The following GAB2 variants were observed in gnomAD, a reference collection of about 807,000 sequenced individuals.
GAB2 encodes the protein GRB2-associated-binding protein 2.
In GAB2, 26 loss-of-function variants were observed where a neutral mutation model predicts 65.5. That is an observed-to-expected ratio of 0.40 (90% confidence interval 0.29 to 0.55). The LOEUF (loss-of-function observed/expected upper bound fraction) is 0.55. Among genes scored for constraint, GAB2 ranks in the 20% least tolerant of loss-of-function variants. The probability of loss-of-function intolerance (pLI) is 0.53; values close to 1 mark genes in which losing one functional copy is unlikely to be tolerated. For missense variants in GAB2, 884 were observed against 875.8 expected, an observed-to-expected ratio of 1.01 and a Z score of -0.12; for synonymous variants, 321 against 329.6, an observed-to-expected ratio of 0.97 and a Z score of 0.28.
intron 2 of GAB2, among the ~76,000 whole-genome samples, chr11:78,262,074 G>A (rs985542913): frequency 2.0e-5 from 3 of 152,142 alleles, no homozygotes; most frequent in Non-Finnish European, 4.4e-5. Flanking sequence ...ATCAAGAATC[G>A]TGATCAGCGG....
chr11:78,227,645 AAAG>A (rs1864718196), intron 3 of GAB2, among the ~76,000 whole-genome samples: 1 of 151,626 alleles, frequency 6.6e-6, no homozygotes, highest in Non-Finnish European at 1.5e-5. Flanking sequence ...AAAAAAAAAA[AAAG>A]AACTAGCTGG....
chr11:78,373,153 T>C (rs1242225715), intron 1 of GAB2, among the ~76,000 whole-genome samples: 1 of 152,136 alleles, frequency 6.6e-6, no homozygotes, highest in Non-Finnish European at 1.5e-5. Flanking sequence ...CAAATAATTG[T>C]ACATGTTTAT....
At chr11:78,363,586 CTTTT>C (rs772252348) in intron 1 of GAB2, among the ~76,000 whole-genome samples, 5 of 135,426 alleles carry the variant, frequency 3.7e-5, no homozygotes, top group Admixed American at 1.5e-4. Flanking sequence ...AATATATTTT[CTTTT>C]TTTTTTTTTT....
At chr11:78,370,136 A>AGT (rs1435761821) in intron 1 of GAB2, among the ~76,000 whole-genome samples, 1 of 150,284 alleles carries the variant, frequency 6.7e-6, no homozygotes, top group Non-Finnish European at 1.5e-5. Context: ...GGGCGCCTGT[A>AGT]GTCCCAGCTA....
At chr11:78,406,184 G>C (rs968970601) in intron 1 of GAB2, among the ~76,000 whole-genome samples, 4 of 152,186 alleles carry the variant, frequency 2.6e-5, no homozygotes, top group Admixed American at 2.6e-4. Context: ...ACCATTCACA[G>C]GAGTAATGAG....
intron 2 of GAB2, among the ~76,000 whole-genome samples, chr11:78,263,788 T>G (rs1355216747): frequency 6.6e-6 from 1 of 152,136 alleles, no homozygotes; most frequent in African/African-American, 2.4e-5. Context: ...ATCATTTAGT[T>G]TAATATTAAT....
chr11:78,262,642 A>G (rs767386088), intron 2 of GAB2, among the ~76,000 whole-genome samples: 1 of 152,142 alleles, frequency 6.6e-6, no homozygotes, highest in Non-Finnish European at 1.5e-5. Flanking sequence ...GGGGGTCCCA[A>G]TAATCTCCTG....
At chr11:78,227,754 C>T (rs887785569) in intron 3 of GAB2, among the ~76,000 whole-genome samples, 3 of 151,886 alleles carry the variant, frequency 2.0e-5, no homozygotes, top group Non-Finnish European at 4.4e-5. Flanking sequence ...GAGCTATGAT[C>T]GCACCACTGC....
At chr11:78,293,522 A>G (rs1379276875) in intron 1 of GAB2, among the ~76,000 whole-genome samples, 3 of 152,240 alleles carry the variant, frequency 2.0e-5, no homozygotes, top group Non-Finnish European at 4.4e-5. Flanking sequence ...CACAGACACC[A>G]TAAACACAAA....
intron 1 of GAB2, among the ~76,000 whole-genome samples, chr11:78,292,606 A>C (rs1295288087): frequency 6.6e-6 from 1 of 152,252 alleles, no homozygotes; most frequent in Non-Finnish European, 1.5e-5. Context: ...ACACGAAGCT[A>C]CTATGCCAGT....
chr11:78,347,289 T>C (rs1355417176), intron 1 of GAB2, among the ~76,000 whole-genome samples: 2 of 152,172 alleles, frequency 1.3e-5, no homozygotes, highest in East Asian at 1.9e-4. Flanking sequence ...GGTTTGGAGA[T>C]ATGAATGTCC....
chr11:78,281,331 C>G lies in GAB2; in HGVS notation c.76-430G>C, dbSNP rs1369707417. 2.0e-5 allele frequency among the ~76,000 whole-genome samples: 3 copies of G among 152,014 alleles called. No individual in the cohort carries two copies. In the South Asian group the frequency reaches 6.2e-4, roughly 32 times the overall value. On this transcript the variant is annotated intron_variant, in intron 1 of 9. Transcript: ENST00000361507. ...CATGATCTTGGCTCACTGCAACCTC[C>G]GCCTCCAGGGTTCAAGCGATTCTCC...
chr11:78,244,468 C>A (rs752411189), intron 3 of GAB2, among the ~76,000 whole-genome samples: 3 of 151,640 alleles, frequency 2.0e-5, no homozygotes, highest in Non-Finnish European at 2.9e-5. Context: ...AAACAATCAA[C>A]AGAGTAAAGA....
chr11:78,300,702 T>TTTG (rs1554985611), intron 1 of GAB2, among the ~76,000 whole-genome samples: 1 of 142,748 alleles, frequency 7.0e-6, no homozygotes, highest in African/African-American at 2.7e-5. Context: ...TTTGTTTTTT[T>TTTG]TTTTTTTTTT....
rs1291386898 is a variant in GAB2, at chr11:78,300,672, G to GT, written c.76-19772dup. ...ATGGGTAATGTTATCTCACTGTGTG[G>GT]TTTTTTTTTTTGGTTTTTTTTTGTT... On this transcript the variant is annotated intron_variant, in intron 1 of 9. Transcript: ENST00000361507. Among the ~76,000 whole-genome samples, 867 of 121,964 alleles carry GT rather than the reference G, an allele frequency of 7.1e-3. 1 individual carries two copies. The highest frequency in any genetic ancestry group is 0.022 in the African/African-American group (615 of 28,346). 80.0% of individuals were successfully genotyped at this position (121,964 alleles called of 152,430 possible). A position where few individuals can be genotyped will look rare whatever the true frequency, so the allele number is the denominator to read the frequency against.
chr11:78,270,529 A>T (rs751434053), intron 2 of GAB2, among the ~76,000 whole-genome samples: 16 of 151,562 alleles, frequency 1.1e-4, no homozygotes, highest in Non-Finnish European at 2.2e-4. Flanking sequence ...GGGCCCTTCC[A>T]CTCTGCTTTC....
At chr11:78,328,749 C>T (rs1437301458) in intron 1 of GAB2, among the ~76,000 whole-genome samples, 2 of 107,218 alleles carry the variant, frequency 1.9e-5, no homozygotes, top group Non-Finnish European at 3.4e-5. Context: ...GAAAAAAAAT[C>T]AGAATGATTG....
rs1590945447 is a variant in GAB2, at chr11:78,226,872, T to C, written c.800A>G (p.Asp267Gly). The change falls in exon 4 of 10, where the codon GAC (aspartate) becomes GGC (glycine). Residue 267 changes from aspartate (D) to glycine (G), a missense_variant. Coordinates refer to ENST00000361507, the MANE Select transcript of GAB2 (RefSeq NM_080491.3). The stretch of plus-strand genomic sequence containing the variant: ...ATGGGAGGCCAGGCTGCGGGGGAGG[T>C]CGTAGGTACTGTCTCTGAATTCTGT... Reference protein sequence around the residue: ...HNTEFRDSTYDLPRSLASHGH... With the variant: ...HNTEFRDSTYGLPRSLASHGH... The C allele has an allele frequency of 6.2e-7, 1 of 1,612,798 alleles. No homozygotes were observed. The highest frequency in any genetic ancestry group is 8.5e-7 in the Non-Finnish European group (1 of 1,179,744).
intron 1 of GAB2, among the ~76,000 whole-genome samples, chr11:78,343,578 T>C (rs1856134372): frequency 6.6e-6 from 1 of 152,180 alleles, no homozygotes; most frequent in African/African-American, 2.4e-5. Context: ...TGATGTATCA[T>C]AATCCACCCA....
Sources: allele counts gnomAD v4.1 joint callset (sites outside exome capture counted in the v4.1 genomes callset), GRCh38; gene constraint gnomAD v4.1.1; transcripts MANE v1.5; gene names NCBI Gene and HGNC (gene_info 2026-07-23, HGNC 2026-07-21).